The following RMST variants were observed in gnomAD, a reference collection of about 807,000 sequenced individuals.
The protein encoded by RMST is long intergenic non-protein coding RNA 54.
chr12:97,492,981 A>G (rs1181826959), intron 6 of RMST: 1 of 152,222 alleles, frequency 6.6e-6, no homozygotes, highest in African/African-American at 2.4e-5. Flanking sequence ...AACCTAAGAA[A>G]GTTATGTTCA....
At chr12:97,474,163 C>T (rs12303469) in intron 5 of RMST, among the ~76,000 whole-genome samples, 13,452 of 152,022 alleles carry the variant, frequency 0.088, 2,023 homozygotes, top group African/African-American at 0.31. Context: ...GATCCTATTA[C>T]GTGAAGGGAC....
chr12:97,504,708 T>A (rs549733606), intron 10 of RMST, among the ~76,000 whole-genome samples: 5 of 152,318 alleles, frequency 3.3e-5, no homozygotes, highest in Non-Finnish European at 4.4e-5. Context: ...AAAATTAGAT[T>A]TGCCTGAAGG....
intron 10 of RMST, among the ~76,000 whole-genome samples, chr12:97,500,491 T>G (rs2136476846): frequency 6.6e-6 from 1 of 152,316 alleles, no homozygotes; most frequent in East Asian, 1.9e-4. Flanking sequence ...GACTTGAGGT[T>G]TTTGCTAGAC....
intron 10 of RMST, among the ~76,000 whole-genome samples, chr12:97,523,374 G>C (rs1034417234): frequency 2.0e-5 from 3 of 152,098 alleles, no homozygotes; most frequent in African/African-American, 7.2e-5. Flanking sequence ...TTAGTCAAGG[G>C]GGACGAAGTT....
rs554348775 is a variant in RMST, at chr12:97,499,285, T to C, written n.1340+3229T>C. On this transcript the variant is annotated intron_variant and non_coding_transcript_variant, in intron 10 of 13. Coordinates refer to ENST00000640149, the Ensembl canonical transcript of RMST. ...CACATCCTATCCATATACTCGTTCT[T>C]GCTTGTCCATTGTATTTCTTTCAGA... 9.2e-5 allele frequency among the ~76,000 whole-genome samples: 14 copies of C among 152,350 alleles called. No homozygotes were observed. In the South Asian group the frequency reaches 2.9e-3, roughly 32 times the overall value.
At chr12:97,488,925 A>T (rs1395793745) in intron 5 of RMST, among the ~76,000 whole-genome samples, 2 of 152,174 alleles carry the variant, frequency 1.3e-5, no homozygotes, top group Admixed American at 6.5e-5. Flanking sequence ...TTGGGACTTA[A>T]ACATAAGCCT....
At chr12:97,497,839 T>C (rs1877622320) in intron 10 of RMST, among the ~76,000 whole-genome samples, 1 of 152,160 alleles carries the variant, frequency 6.6e-6, no homozygotes, top group African/African-American at 2.4e-5. Context: ...CTTCCGCTAC[T>C]GTGGTTTGTA....
chr12:97,558,290 A>G (rs1883848826), intron 11 of RMST, among the ~76,000 whole-genome samples: 1 of 152,162 alleles, frequency 6.6e-6, no homozygotes, highest in African/African-American at 2.4e-5. Context: ...GATAAGGGCT[A>G]AGAGTTCTGG....
intron 10 of RMST, among the ~76,000 whole-genome samples, chr12:97,502,397 A>G (rs185626855): frequency 6.6e-6 from 1 of 152,328 alleles, no homozygotes; most frequent in African/African-American, 2.4e-5. Flanking sequence ...TTTTTCCCTC[A>G]AGAAGTTTCC....
At chr12:97,551,545 A>T (rs1015700256) in intron 11 of RMST, among the ~76,000 whole-genome samples, 2 of 152,172 alleles carry the variant, frequency 1.3e-5, no homozygotes, top group Non-Finnish European at 2.9e-5. Flanking sequence ...TCTTCGCTGA[A>T]TAAGTGTATT....
chr12:97,533,796 G>T (rs1565934042), intron 11 of RMST: 1 of 151,692 alleles, frequency 6.6e-6, no homozygotes, highest in Non-Finnish European at 1.5e-5. Context: ...TTTCATCAAA[G>T]AATTCACTCT....
chr12:97,488,374 C>G (rs562970051), intron 5 of RMST, among the ~76,000 whole-genome samples: 1 of 152,238 alleles, frequency 6.6e-6, no homozygotes, highest in South Asian at 2.1e-4. Context: ...ATTGATCGTG[C>G]CTTGTTTTCA....
rs537840796 is a variant in RMST, at chr12:97,524,075, C to CAAAAAAAAAAAAAAAA, written n.1341-6567_1341-6552dup. ...TGGGCAACAGAGTGAGACTCTGTCT[C>CAAAAAAAAAAAAAAAA]AAAAAAAAAAAAAAAAAAAAAAAAA... is the stretch of plus-strand genomic sequence containing the variant. On this transcript the variant is annotated intron_variant and non_coding_transcript_variant, in intron 10 of 13. Transcript: ENST00000640149. 5.3e-4 allele frequency among the ~76,000 whole-genome samples: 30 copies of CAAAAAAAAAAAAAAAA among 56,124 alleles called. 5 individuals are homozygous for CAAAAAAAAAAAAAAAA. Among genetic ancestry groups the CAAAAAAAAAAAAAAAA allele is most frequent in the African/African-American group, 2.2e-3 (28 of 12,966 alleles). The allele number at this position is 56,124 out of a possible 152,430, so 36.8% of individuals were successfully genotyped here.
At chr12:97,501,314 G>A (rs1324310560) in intron 10 of RMST, among the ~76,000 whole-genome samples, 1 of 152,092 alleles carries the variant, frequency 6.6e-6, no homozygotes, top group Non-Finnish European at 1.5e-5. Flanking sequence ...AAAGTTAAAT[G>A]GAATGTCTTA....
At chr12:97,532,030 T>C (rs1163256463) in intron 11 of RMST, among the ~76,000 whole-genome samples, 1 of 151,986 alleles carries the variant, frequency 6.6e-6, no homozygotes, top group Non-Finnish European at 1.5e-5. Context: ...TTATGAATTT[T>C]AAAGCCTTTC....
intron 11 of RMST, among the ~76,000 whole-genome samples, chr12:97,546,562 A>T (rs901548415): frequency 1.3e-5 from 2 of 152,110 alleles, no homozygotes; most frequent in African/African-American, 4.8e-5. Context: ...AGCCTGGGTG[A>T]CAGAACAAGA....
At chr12:97,473,253 T>G (rs1874145137) in intron 5 of RMST, among the ~76,000 whole-genome samples, 2 of 152,174 alleles carry the variant, frequency 1.3e-5, no homozygotes, top group Non-Finnish European at 2.9e-5. Flanking sequence ...AGCAAAAACA[T>G]AAGGCTTTCA....
chr12:97,519,496 A>G (rs1263675231), intron 10 of RMST, among the ~76,000 whole-genome samples: 1 of 152,232 alleles, frequency 6.6e-6, no homozygotes, highest in Non-Finnish European at 1.5e-5. Context: ...CAAGTGCGTG[A>G]CAAATTTTAT....
intron 5 of RMST, among the ~76,000 whole-genome samples, chr12:97,475,900 A>AGT (rs1296120870): frequency 6.6e-6 from 1 of 152,188 alleles, no homozygotes; most frequent in African/African-American, 2.4e-5. Flanking sequence ...TTAATACTAC[A>AGT]GTGTTAAAGC....
Sources: gnomAD v4.1 joint callset for allele counts (sites outside exome capture counted in the v4.1 genomes callset) on GRCh38, gnomAD v4.1.1 for gene constraint, MANE v1.5 for transcripts, NCBI Gene and HGNC (gene_info 2026-07-23, HGNC 2026-07-21) for gene names.